MYO1H: variants seen among roughly 807,000 people sequenced by gnomAD.
The protein encoded by MYO1H is myosin IH.
A neutral mutation model predicts 149.3 loss-of-function variants in MYO1H; 118 were observed. That is an observed-to-expected ratio of 0.79 (90% CI 0.68 to 0.92). The LOEUF (loss-of-function observed/expected upper bound fraction) is 0.92. Ranked by LOEUF, MYO1H falls within the 40% of genes least tolerant of loss-of-function variation. The probability of loss-of-function intolerance (pLI) is 0.00; values close to 1 mark genes in which losing one functional copy is unlikely to be tolerated. For missense variants in MYO1H, 1,212 were observed against 1,280.7 expected, an observed-to-expected ratio of 0.95 and a Z score of 0.82; for synonymous variants, 447 against 465.2, an observed-to-expected ratio of 0.96 and a Z score of 0.50.
Position 109,360,246 on chromosome 12 carries a change from G to A in MYO1H, c.12+12274G>A, listed in dbSNP as rs77048398. Among the ~76,000 whole-genome samples, 15 of 152,114 alleles carry A rather than the reference G, an allele frequency of 9.9e-5. No individual in the cohort carries two copies. The East Asian group carries it at 2.9e-3, about 29-fold the overall frequency. On this transcript the variant is annotated intron_variant, in intron 1 of 31. Transcript: ENST00000310903. ...TACTGGGGAACGTATTGGGATTTGGGTGGCTATTCATTGTCTCTCTAAATA... is the reference window on the plus strand; with the variant it reads ...TACTGGGGAACGTATTGGGATTTGGATGGCTATTCATTGTCTCTCTAAATA...
intron 2 of MYO1H, 38 bp downstream of exon 2, chr12:109,388,882 G>T: frequency 1.3e-6 from 2 of 1,568,184 alleles, no homozygotes; most frequent in Non-Finnish European, 1.7e-6. Flanking sequence ...TTCTAGGGTG[G>T]TTGTTCCCTT....
At position 109,390,379 on chromosome 12, in the gene MYO1H, G is replaced by T. The variant is rs80033419; in HGVS notation, c.174+1535G>T. Reference sequence around the variant, plus strand: ...CTTAATATATACTTTAGTGCATCCTGTATTTGAAACAGCTACACACTGAGA... The same window carrying T: ...CTTAATATATACTTTAGTGCATCCTTTATTTGAAACAGCTACACACTGAGA... On this transcript the variant is annotated intron_variant, in intron 2 of 31. Transcript: ENST00000310903. 8.3e-4 allele frequency among the ~76,000 whole-genome samples: 126 copies of T among 151,638 alleles called. 2 individuals are homozygous for T. The East Asian group carries it at 0.022, about 26-fold the overall frequency.
Position 109,409,977 on chromosome 12 carries a change from G to A in MYO1H, c.1238G>A (p.Cys413Tyr), listed in dbSNP as rs948045016. 7.2e-6 allele frequency: 11 copies of A among 1,532,230 alleles called. No individual in the cohort carries two copies. In the Admixed American group the frequency reaches 1.0e-4, roughly 14 times the overall value. 94.9% of individuals were successfully genotyped at this position (1,532,230 alleles called of 1,614,324 possible). The change falls in exon 12 of 32, where the codon TGT (cysteine) becomes TAT (tyrosine). Residue 413 changes from cysteine (C) to tyrosine (Y), a missense_variant. Transcript: ENST00000310903. ...TGTATCTCTAGTTTTGAACAGTTCT[G>A]TATAAATTACTGCAATGAGAAACTC...
At chr12:109,314,047 G>C in the MYO1H span, among the ~76,000 whole-genome samples, 1 of 151,902 alleles carries the variant, frequency 6.6e-6, no homozygotes, top group Non-Finnish European at 1.5e-5. Flanking sequence ...ACCATGCCTG[G>C]CTAATTTTTG....
intron 30 of MYO1H, among the ~76,000 whole-genome samples, chr12:109,445,121 C>G: frequency 6.6e-6 from 1 of 152,122 alleles, no homozygotes; most frequent in East Asian, 1.9e-4. Context: ...CTGTGCTGTT[C>G]CAAGTTTTAA....
intron 23 of MYO1H, 168 bp from the exon 24 acceptor site, chr12:109,439,463 T>C (rs1872014297): frequency 1.8e-6 from 1 of 556,166 alleles, no homozygotes; most frequent in East Asian, 2.9e-5. Flanking sequence ...CAAAAGGCCG[T>C]GTGGGTGAAA....
chr12:109,370,783 A>C (rs751111417), intron 1 of MYO1H, among the ~76,000 whole-genome samples: 12 of 152,172 alleles, frequency 7.9e-5, no homozygotes, highest in Non-Finnish European at 1.6e-4. Flanking sequence ...TTATTCACTC[A>C]TTTGACAAAT....
intron 15 of MYO1H, among the ~76,000 whole-genome samples, chr12:109,419,294 C>G (rs900673914): frequency 6.6e-6 from 1 of 152,006 alleles, no homozygotes; most frequent in Admixed American, 6.6e-5. Context: ...GTGCCGGGTG[C>G]TAGGCAGATG....
chr12:109,404,147 T>C (rs1870279285), intron 7 of MYO1H, 67 bp downstream of exon 7: 3 of 1,267,312 alleles, frequency 2.4e-6, no homozygotes, highest in Non-Finnish European at 3.4e-6. Context: ...AATTTCTTGG[T>C]GTTTGCAGAA....
At position 109,415,630 on chromosome 12, in the gene MYO1H, C is replaced by T. The variant is rs1343710173; in HGVS notation, c.1597+10C>T. On this transcript the variant is annotated intron_variant, in intron 15 of 31. Transcript: ENST00000310903. ...ACATACTGCACCAAGGGTGAGTGGC[C>T]GTGGGGTACAGGTGACAGCCATGTA... The T allele has an allele frequency of 8.9e-6, 14 of 1,579,388 alleles. No homozygotes were observed. The highest frequency in any genetic ancestry group is 2.3e-5 in the East Asian group (1 of 43,454).
chr12:109,349,360 A>G (rs1868405084), intron 1 of MYO1H, among the ~76,000 whole-genome samples: 1 of 152,162 alleles, frequency 6.6e-6, no homozygotes, highest in Admixed American at 6.5e-5. Context: ...AGTTTACTCC[A>G]GATTAAAAAA....
chr12:109,402,290 AC>A (rs1870200697), intron 6 of MYO1H, among the ~76,000 whole-genome samples: 1 of 152,174 alleles, frequency 6.6e-6, no homozygotes, highest in South Asian at 2.1e-4. Context: ...TTTAGTCCCA[AC>A]ATTTTTTTTA....
chr12:109,340,275 G>A, the MYO1H span, among the ~76,000 whole-genome samples: 13 of 152,244 alleles, frequency 8.5e-5, no homozygotes, highest in Non-Finnish European at 1.3e-4. Flanking sequence ...CTGCAATCCC[G>A]GTTCAAGCGA....
intron 19 of MYO1H, among the ~76,000 whole-genome samples, chr12:109,432,528 C>T (rs1245164566): frequency 6.6e-6 from 1 of 152,160 alleles, no homozygotes; most frequent in South Asian, 2.1e-4. Context: ...TATTATGAAT[C>T]ATAGCACCAT....
At chr12:109,397,737 T>G (rs995082454) in exon 5 of MYO1H, 5 of 1,610,250 alleles carry the variant, frequency 3.1e-6, no homozygotes, top group Non-Finnish European at 4.2e-6. Flanking sequence ...CCAAGGCTTT[T>G]GGAAATGCCA....
the MYO1H span, among the ~76,000 whole-genome samples, chr12:109,320,136 A>C: frequency 1.3e-5 from 2 of 151,504 alleles, no homozygotes; most frequent in South Asian, 4.2e-4. Flanking sequence ...CAACTGAGAG[A>C]TTGTCTCTAC....
the MYO1H span, among the ~76,000 whole-genome samples, chr12:109,313,366 G>A: frequency 6.6e-6 from 1 of 152,164 alleles, no homozygotes; most frequent in Non-Finnish European, 1.5e-5. Flanking sequence ...CAGTTCCGTG[G>A]CACTGTGGAG....
chr12:109,439,900 G>A, intron 24 of MYO1H, 110 bp downstream of exon 24: 1 of 952,352 alleles, frequency 1.1e-6, no homozygotes, highest in South Asian at 1.7e-5. Context: ...GGCTGCCCTG[G>A]CAAAGCCCTT....
At chr12:109,366,527 A>G (rs774312317) in intron 1 of MYO1H, among the ~76,000 whole-genome samples, 27 of 152,350 alleles carry the variant, frequency 1.8e-4, no homozygotes, top group South Asian at 4.1e-4. Flanking sequence ...TCACGGTTTA[A>G]GAGGACAAGA....
Sources: allele counts gnomAD v4.1 joint callset (sites outside exome capture counted in the v4.1 genomes callset), GRCh38; gene constraint gnomAD v4.1.1; transcripts MANE v1.5; gene names NCBI Gene and HGNC (gene_info 2026-07-23, HGNC 2026-07-21).